Variants in MSI2 observed in about 807,000 individuals in gnomAD.
MSI2 encodes RNA-binding protein Musashi homolog 2.
In MSI2, 17 loss-of-function variants were observed where a neutral mutation model predicts 45.6. That is an observed-to-expected ratio of 0.37 (90% confidence interval 0.26 to 0.56). MSI2 has a LOEUF of 0.56. Among genes scored for constraint, MSI2 ranks in the 20% least tolerant of loss-of-function variants. The probability of loss-of-function intolerance (pLI) is 0.77; values close to 1 mark genes in which losing one functional copy is unlikely to be tolerated. For synonymous variants in MSI2, 156 were observed against 158.2 expected (o/e 0.99, Z 0.11); for missense variants, 293 against 444.2 (o/e 0.66, Z 3.06).
the MSI2 span, among the ~76,000 whole-genome samples, chr17:57,692,720 G>GTTTTT: frequency 6.6e-6 from 1 of 151,852 alleles, no homozygotes; most frequent in Non-Finnish European, 1.5e-5. Flanking sequence ...GACAGGTTTT[G>GTTTTT]TTTTGTTTTG....
chr17:57,584,362 T>C (rs2088287301), intron 7 of MSI2, among the ~76,000 whole-genome samples: 1 of 152,192 alleles, frequency 6.6e-6, no homozygotes, highest in Admixed American at 6.5e-5. Context: ...TGTGTGTCTC[T>C]TGCAAACCAC....
chr17:57,473,653 G>A (rs74364490), intron 6 of MSI2, among the ~76,000 whole-genome samples: 3,859 of 152,258 alleles, frequency 0.025, 71 homozygotes, highest in South Asian at 0.06. Context: ...CCTCTCTTCC[G>A]GAACCTTCCT....
At chr17:57,444,238 C>A (rs1219655716) in intron 6 of MSI2, among the ~76,000 whole-genome samples, 1 of 152,144 alleles carries the variant, frequency 6.6e-6, no homozygotes, top group Admixed American at 6.5e-5. Flanking sequence ...CTACAGTGCA[C>A]CGTCAGCAGC....
At chr17:57,574,092 T>A (rs1034429503) in intron 7 of MSI2, among the ~76,000 whole-genome samples, 1 of 152,094 alleles carries the variant, frequency 6.6e-6, no homozygotes, top group African/African-American at 2.4e-5. Flanking sequence ...GATTTGTCAG[T>A]CCCAGGTTGG....
At chr17:57,440,433 T>A in intron 6 of MSI2, among the ~76,000 whole-genome samples, 1 of 148,726 alleles carries the variant, frequency 6.7e-6, no homozygotes, top group African/African-American at 2.5e-5. Flanking sequence ...TGTGTGTGTG[T>A]GTGTGTGTGT....
intron 6 of MSI2, among the ~76,000 whole-genome samples, chr17:57,445,710 C>CAT (rs1281751111): frequency 6.6e-6 from 1 of 152,116 alleles, no homozygotes; most frequent in African/African-American, 2.4e-5. Context: ...GAGGGGGCAG[C>CAT]ATATATTAAC....
In MSI2 at chr17:57,529,514, G is replaced by GTT. The variant is rs55990806; in HGVS notation, c.406-154_406-153dup. Among the ~76,000 whole-genome samples, 434 of 150,990 alleles carry GTT rather than the reference G, an allele frequency of 2.9e-3. No individual in the cohort carries two copies. Among genetic ancestry groups the GTT allele is most frequent in the African/African-American group, 9.7e-3 (397 of 41,122 alleles). On this transcript the variant is annotated intron_variant, in intron 6 of 13. Coordinates refer to ENST00000284073, the MANE Select transcript of MSI2 (RefSeq NM_138962.4). This position sits in a 1 kb window ranked among gnomAD's most constrained non-coding sequence, Gnocchi z 5.3. ...AACGGTGTGGAGTGGAAAGACCACTGTTTTTTTTTCTTTCTACTTTTTTGC... is the reference window on the plus strand; with the variant it reads ...AACGGTGTGGAGTGGAAAGACCACTGTTTTTTTTTTTCTTTCTACTTTTTTGC...
chr17:57,305,082 G>A (rs1911768379), intron 5 of MSI2, among the ~76,000 whole-genome samples: 1 of 152,334 alleles, frequency 6.6e-6, no homozygotes, highest in South Asian at 2.1e-4. Context: ...AGGCAGGAGA[G>A]TGTTATTAGG....
chr17:57,311,560 T>C (rs1356019634), intron 5 of MSI2, among the ~76,000 whole-genome samples: 2 of 152,112 alleles, frequency 1.3e-5, no homozygotes, highest in African/African-American at 2.4e-5. Context: ...ATTGGCTATA[T>C]ATATATTTTT....
chr17:57,360,348 T>C (rs1233292582), intron 5 of MSI2, among the ~76,000 whole-genome samples: 1 of 152,270 alleles, frequency 6.6e-6, no homozygotes, highest in Admixed American at 6.5e-5. Flanking sequence ...TTGAACAGTT[T>C]TGCCTTTTCC....
At chr17:57,622,952 C>G (rs1427890296) in intron 9 of MSI2, among the ~76,000 whole-genome samples, 1 of 152,148 alleles carries the variant, frequency 6.6e-6, no homozygotes, top group African/African-American at 2.4e-5. Flanking sequence ...TCTGCACTAG[C>G]CAATATCACT....
intron 12 of MSI2, among the ~76,000 whole-genome samples, chr17:57,676,100 C>T (rs545857942): frequency 1.5e-4 from 23 of 152,380 alleles, no homozygotes; most frequent in African/African-American, 2.4e-4. Context: ...TTCTGAGTGA[C>T]AGCTGGCAAG....
chr17:57,468,520 CAA>C (rs56105862), intron 6 of MSI2, among the ~76,000 whole-genome samples: 14 of 104,352 alleles, frequency 1.3e-4, no homozygotes, highest in African/African-American at 1.5e-4. Flanking sequence ...GACTCTATCT[CAA>C]AAAAAAAAAA....
intron 6 of MSI2, among the ~76,000 whole-genome samples, chr17:57,468,388 G>A (rs541916392): frequency 6.6e-6 from 1 of 151,890 alleles, no homozygotes; most frequent in South Asian, 2.1e-4. Flanking sequence ...GGGTGTGGTG[G>A]CGGGCGCCTG....
chr17:57,292,477 TG>T (rs1910508879), intron 5 of MSI2, among the ~76,000 whole-genome samples: 2 of 151,976 alleles, frequency 1.3e-5, no homozygotes, highest in African/African-American at 4.8e-5. Context: ...GTGACTCCAG[TG>T]GGGTTGGGGT....
At chr17:57,430,851 G>A (rs921748594) in intron 6 of MSI2, among the ~76,000 whole-genome samples, 1 of 152,160 alleles carries the variant, frequency 6.6e-6, no homozygotes, top group African/African-American at 2.4e-5. Context: ...AGCATAGGGG[G>A]TCCTCTGACC....
At position 57,651,151 on chromosome 17, in the gene MSI2, G is replaced by A. The variant is rs146310777; in HGVS notation, c.728-948G>A. Among the ~76,000 whole-genome samples, 532 of 152,246 alleles carry A rather than the reference G, an allele frequency of 3.5e-3. 7 individuals carry two copies. Among genetic ancestry groups the A allele is most frequent in the East Asian group, 0.015 (76 of 5,186 alleles). Reference sequence around the variant, plus strand: ...TGGTGGCTGAGAGAAGCCCAGGGTAGGGAACATGGCATACTTCATCTGGAT... The same window carrying A: ...TGGTGGCTGAGAGAAGCCCAGGGTAAGGAACATGGCATACTTCATCTGGAT... On this transcript the variant is annotated intron_variant, in intron 10 of 13. Coordinates refer to ENST00000284073, the MANE Select transcript of MSI2 (RefSeq NM_138962.4).
chr17:57,388,981 C>CTTT lies in MSI2; in HGVS notation c.313-12385_313-12383dup, dbSNP rs1251175262. 9.2e-3 allele frequency among the ~76,000 whole-genome samples: 1,046 copies of CTTT among 113,790 alleles called. 15 individuals are homozygous for CTTT. The highest frequency in any genetic ancestry group is 0.031 in the African/African-American group (943 of 30,272). 74.7% of individuals were successfully genotyped at this position (113,790 alleles called of 152,430 possible). On this transcript the variant is annotated intron_variant, in intron 5 of 13. Coordinates refer to ENST00000284073, the MANE Select transcript of MSI2 (RefSeq NM_138962.4). Reference sequence around the variant, plus strand: ...TGCTCTTCTTCTTCTTCTTCTTCTTCTTTTTTTTTTTTTTTGATACGGAGT... The same window carrying CTTT: ...TGCTCTTCTTCTTCTTCTTCTTCTTCTTTTTTTTTTTTTTTTTTGATACGGAGT...
chr17:57,464,334 C>G (rs1443956797), intron 6 of MSI2, among the ~76,000 whole-genome samples: 2 of 152,184 alleles, frequency 1.3e-5, no homozygotes, highest in Non-Finnish European at 2.9e-5. Context: ...GTCCCAGCTA[C>G]TCAGGAGGCT....
Sources: gnomAD v4.1 joint callset for allele counts (sites outside exome capture counted in the v4.1 genomes callset) on GRCh38, gnomAD v4.1.1 for gene constraint, Gnocchi (gnomAD v3.1) non-coding constraint, MANE v1.5 for transcripts, NCBI Gene and HGNC (gene_info 2026-07-23, HGNC 2026-07-21) for gene names.